Variants in CPA6 observed in about 807,000 individuals in gnomAD.
CPA6 encodes the protein carboxypeptidase A6.
A neutral mutation model predicts 63.3 loss-of-function variants in CPA6; 58 were observed. That is an observed-to-expected ratio of 0.92 (90% CI 0.74 to 1.14). CPA6 has a LOEUF of 1.14. CPA6 is among the 50% of genes most tolerant of loss of function. CPA6 has a pLI of 0.00. For synonymous variants in CPA6, 185 were observed against 179.0 expected, an observed-to-expected ratio of 1.03 and a Z score of -0.27; for missense variants, 565 against 526.6, an observed-to-expected ratio of 1.07 and a Z score of -0.71.
chr8:67,505,108 C>T (rs765773273), intron 6 of CPA6, among the ~76,000 whole-genome samples: 1 of 152,140 alleles, frequency 6.6e-6, no homozygotes, highest in Non-Finnish European at 1.5e-5. Context: ...CTGTATATGG[C>T]TCTACAGATT....
At chr8:67,535,652 G>A (rs1213117255) in intron 2 of CPA6, among the ~76,000 whole-genome samples, 1 of 152,122 alleles carries the variant, frequency 6.6e-6, no homozygotes, top group Non-Finnish European at 1.5e-5. Context: ...CCATTCTGTA[G>A]GTTGCCTGTT....
At chr8:67,475,937 TTTCTTTCTCTG>T (rs1563968315) in intron 8 of CPA6, among the ~76,000 whole-genome samples, 30 of 142,154 alleles carry the variant, frequency 2.1e-4, no homozygotes, top group African/African-American at 7.8e-4. Flanking sequence ...TTTCTTTCTC[TTTCTTTCTCTG>T]TCTTTCTTTC....
intron 8 of CPA6, among the ~76,000 whole-genome samples, chr8:67,475,823 T>C (rs1182560850): frequency 0.044 from 1,965 of 44,680 alleles, 58 homozygotes; most frequent in Middle Eastern, 0.1. Context: ...CTTTCCTTTC[T>C]TTTCTTTCTT....
chr8:67,644,185 T>C (rs1021117249), intron 1 of CPA6, among the ~76,000 whole-genome samples: 3 of 151,836 alleles, frequency 2.0e-5, no homozygotes, highest in Non-Finnish European at 2.9e-5. Context: ...GTGGCGCCAT[T>C]TCGGCTCACT....
intron 1 of CPA6, among the ~76,000 whole-genome samples, chr8:67,642,469 T>G (rs1356375799): frequency 6.6e-6 from 1 of 152,154 alleles, no homozygotes; most frequent in Non-Finnish European, 1.5e-5. Flanking sequence ...AATTTCAACT[T>G]TTTTTGGTGG....
At chr8:67,426,083 C>T (rs183220677) in intron 10 of CPA6, among the ~76,000 whole-genome samples, 1 of 152,118 alleles carries the variant, frequency 6.6e-6, no homozygotes, top group African/African-American at 2.4e-5. Context: ...ATTCTCCTGC[C>T]TCAGCCAACT....
At chr8:67,594,434 T>C (rs1176029177) in intron 2 of CPA6, among the ~76,000 whole-genome samples, 1 of 152,214 alleles carries the variant, frequency 6.6e-6, no homozygotes, top group East Asian at 1.9e-4. Flanking sequence ...TTGGCCTGCC[T>C]TGCTAGATTG....
chr8:67,547,155 T>C (rs984891071), intron 2 of CPA6, among the ~76,000 whole-genome samples: 3 of 151,842 alleles, frequency 2.0e-5, no homozygotes, highest in African/African-American at 4.8e-5. Flanking sequence ...CATGCCATTC[T>C]CCTGCCTCAG....
intron 1 of CPA6, among the ~76,000 whole-genome samples, chr8:67,712,764 T>C (rs1282194050): frequency 1.3e-5 from 2 of 152,062 alleles, no homozygotes; most frequent in Non-Finnish European, 2.9e-5. Context: ...AAGTTTTAAA[T>C]GTCATGCTGT....
chr8:67,437,704 G>A (rs1393628471), intron 8 of CPA6, among the ~76,000 whole-genome samples: 1 of 152,190 alleles, frequency 6.6e-6, no homozygotes, highest in Admixed American at 6.5e-5. Context: ...AATGAATACA[G>A]TTGATGAATG....
chr8:67,665,310 G>A (rs562030291), intron 1 of CPA6, among the ~76,000 whole-genome samples: 1 of 152,296 alleles, frequency 6.6e-6, no homozygotes, highest in South Asian at 2.1e-4. Context: ...TTAGGACCTT[G>A]CGTGACCGAG....
At chr8:67,719,859 A>G (rs1817457878) in intron 1 of CPA6, among the ~76,000 whole-genome samples, 1 of 152,252 alleles carries the variant, frequency 6.6e-6, no homozygotes. Flanking sequence ...GGAAGATTGT[A>G]TGTGGAATAA....
At chr8:67,649,457 GC>G (rs1815787682) in intron 1 of CPA6, among the ~76,000 whole-genome samples, 2 of 152,044 alleles carry the variant, frequency 1.3e-5, no homozygotes, top group South Asian at 4.2e-4. Context: ...CTATTTTTGA[GC>G]TTTTTCTAAA....
chr8:67,547,405 G>A (rs1032816137), intron 2 of CPA6, among the ~76,000 whole-genome samples: 5 of 152,108 alleles, frequency 3.3e-5, no homozygotes, highest in African/African-American at 1.2e-4. Context: ...CTGGTACATG[G>A]TAGATGCTTA....
chr8:67,638,523 A>C (rs1815520537), intron 1 of CPA6, among the ~76,000 whole-genome samples: 1 of 151,438 alleles, frequency 6.6e-6, no homozygotes. Flanking sequence ...TGCTCAAGTC[A>C]CCCCTGCAGA....
chr8:67,743,775 T>A (rs1380746293), intron 1 of CPA6, among the ~76,000 whole-genome samples: 2 of 152,226 alleles, frequency 1.3e-5, no homozygotes, highest in Non-Finnish European at 2.9e-5. Context: ...GTCTGCCCTG[T>A]GTGTTCCATT....
Position 67,428,055 on chromosome 8 carries a change from G to A in CPA6, c.1118C>T (p.Thr373Ile). Residue 373 changes from threonine to isoleucine, a missense_variant, in exon 10 of 11, where the codon ACA (threonine) becomes ATA (isoleucine). By Grantham distance (89) the Thr-to-Ile change is moderately conservative. Transcript: ENST00000297770. Reference sequence around the variant, plus strand: ...GTACGCAGGAAACTTACACAACGTTGTGGAGGCTGGTCCATATCTGTATCG... The same window carrying A: ...GTACGCAGGAAACTTACACAACGTTATGGAGGCTGGTCCATATCTGTATCG... ...GVRYRYGPASTTLYVSSGSSM... is the reference protein window; with the variant it reads ...GVRYRYGPASITLYVSSGSSM... 6.2e-7 allele frequency: 1 copy of A among 1,607,246 alleles called. No homozygotes were observed. The highest frequency in any genetic ancestry group is 8.5e-7 in the Non-Finnish European group (1 of 1,173,996).
intron 8 of CPA6, among the ~76,000 whole-genome samples, chr8:67,458,224 G>GCTCA: frequency 6.6e-6 from 1 of 152,132 alleles, no homozygotes; most frequent in South Asian, 2.1e-4. Flanking sequence ...TGAGATGGAG[G>GCTCA]CTCACTCTGT....
chr8:67,591,409 C>T (rs1814120094), intron 2 of CPA6, among the ~76,000 whole-genome samples: 2 of 152,126 alleles, frequency 1.3e-5, no homozygotes, highest in Non-Finnish European at 2.9e-5. Context: ...GTAGTTTTTT[C>T]TAATTCTGTG....
Sources: gnomAD v4.1 joint callset for allele counts (sites outside exome capture counted in the v4.1 genomes callset) on GRCh38, gnomAD v4.1.1 for gene constraint, MANE v1.5 for transcripts, NCBI Gene and HGNC (gene_info 2026-07-23, HGNC 2026-07-21) for gene names.